The following SCFD2 variants were observed in gnomAD, a reference collection of about 807,000 sequenced individuals.
The protein encoded by SCFD2 is sec1 family domain containing 2, also known as sec1 family domain-containing protein 2.
Under a neutral mutation model 58.9 loss-of-function variants are expected in SCFD2, and 54 were observed. The observed-to-expected ratio is 0.92, with a 90% CI of 0.74 to 1.15. The LOEUF (loss-of-function observed/expected upper bound fraction) is 1.15. SCFD2 is among the 50% of genes most tolerant of loss of function. The pLI, the probability that SCFD2 is intolerant of heterozygous loss-of-function variation, is 0.00. For missense variants in SCFD2, 805 were observed against 836.6 expected (o/e 0.96, Z 0.47); for synonymous variants, 321 against 335.9 (o/e 0.96, Z 0.49).
rs541284404 is a variant in SCFD2 at position 53,244,498 on chromosome 4, G to A, written c.1311+29328C>T. On this transcript the variant is annotated intron_variant, in intron 4 of 8. Coordinates refer to ENST00000401642, the MANE Select transcript of SCFD2 (RefSeq NM_152540.4). ...CAACTTGCTCCTCAAAGACTTTGGG[G>A]TAATTCATGAAATTAAGGCAAAAAT... Among the ~76,000 whole-genome samples the A allele has an allele frequency of 8.5e-5, 13 of 152,220 alleles. No homozygotes were observed. In the South Asian group the frequency reaches 1.7e-3, roughly 19 times the overall value.
At chr4:53,223,151 A>T (rs1050231983) in intron 4 of SCFD2, among the ~76,000 whole-genome samples, 7 of 152,198 alleles carry the variant, frequency 4.6e-5, no homozygotes, top group African/African-American at 1.4e-4. Context: ...TTAAACTAAA[A>T]ATATGGCTTG....
chr4:53,130,720 C>T (rs1040364145), intron 5 of SCFD2, among the ~76,000 whole-genome samples: 45 of 152,102 alleles, frequency 3.0e-4, no homozygotes, highest in African/African-American at 1.1e-3. Flanking sequence ...AAGAAAAAAC[C>T]CTCTTTTTTC....
chr4:53,160,602 A>T (rs1394658765), intron 4 of SCFD2, among the ~76,000 whole-genome samples: 3 of 152,194 alleles, frequency 2.0e-5, no homozygotes, highest in African/African-American at 4.8e-5. Flanking sequence ...ACAGATAGAC[A>T]TATTTCAGAA....
intron 5 of SCFD2, among the ~76,000 whole-genome samples, chr4:53,020,003 A>T (rs965337248): frequency 6.6e-6 from 1 of 152,190 alleles, no homozygotes; most frequent in African/African-American, 2.4e-5. Flanking sequence ...ACGCTGGGCT[A>T]CTGATCTTCC....
At chr4:53,290,507 C>T (rs1731805362) in intron 3 of SCFD2, among the ~76,000 whole-genome samples, 1 of 151,738 alleles carries the variant, frequency 6.6e-6, no homozygotes, top group African/African-American at 2.4e-5. Context: ...CAATAAATAC[C>T]TATATTAAAA....
intron 5 of SCFD2, among the ~76,000 whole-genome samples, chr4:52,960,467 C>T (rs957704887): frequency 1.2e-4 from 18 of 151,510 alleles, no homozygotes; most frequent in Admixed American, 4.6e-4. Flanking sequence ...CTCCCGGGTT[C>T]AAGTGATTCT....
intron 7 of SCFD2, among the ~76,000 whole-genome samples, chr4:52,904,830 C>T (rs1719307887): frequency 6.6e-6 from 1 of 152,194 alleles, no homozygotes; most frequent in Non-Finnish European, 1.5e-5. Context: ...TCTGGTGTCA[C>T]TATTTCCTGT....
intron 3 of SCFD2, among the ~76,000 whole-genome samples, chr4:53,288,687 T>A (rs1731746012): frequency 6.6e-6 from 1 of 152,142 alleles, no homozygotes; most frequent in African/African-American, 2.4e-5. Context: ...GAAATAATAT[T>A]TTCCCCAGAT....
intron 5 of SCFD2, among the ~76,000 whole-genome samples, chr4:53,140,219 A>T (rs1442966992): frequency 5.4e-5 from 8 of 147,550 alleles, no homozygotes; most frequent in East Asian, 1.9e-4. Context: ...TAAAAAAATA[A>T]AAAAAAAGAA....
At chr4:52,970,655 C>T (rs1213330328) in intron 5 of SCFD2, among the ~76,000 whole-genome samples, 1 of 152,216 alleles carries the variant, frequency 6.6e-6, no homozygotes, top group African/African-American at 2.4e-5. Flanking sequence ...TGTCTGACAG[C>T]TTTGAAGAGA....
At position 52,997,668 on chromosome 4, in the gene SCFD2, C is replaced by T. The variant is rs77724082; in HGVS notation, c.1562-76798G>A. ...TAGGCCTGGGGAAAACAGGTTCCTTCACCTCAGAGAAAATAGACTTTAGGC... is the reference window on the plus strand; with the variant it reads ...TAGGCCTGGGGAAAACAGGTTCCTTTACCTCAGAGAAAATAGACTTTAGGC... On this transcript the variant is annotated intron_variant, in intron 5 of 8. Coordinates refer to ENST00000401642, the MANE Select transcript of SCFD2 (RefSeq NM_152540.4). 4.5e-3 allele frequency among the ~76,000 whole-genome samples: 679 copies of T among 152,324 alleles called. 4 individuals are homozygous for T. Among genetic ancestry groups the T allele is most frequent in the African/African-American group, 0.016 (657 of 41,580 alleles).
chr4:53,005,566 C>T (rs761254857), intron 5 of SCFD2, among the ~76,000 whole-genome samples: 5 of 152,160 alleles, frequency 3.3e-5, no homozygotes, highest in Non-Finnish European at 5.9e-5. Context: ...ATAAGTAAGG[C>T]TGATTATTCC....
intron 4 of SCFD2, among the ~76,000 whole-genome samples, chr4:53,191,402 T>C (rs1171634677): frequency 3.3e-5 from 5 of 152,096 alleles, no homozygotes; most frequent in Non-Finnish European, 5.9e-5. Flanking sequence ...TATGGTTATA[T>C]GGGTTTTGTT....
At chr4:53,271,827 G>A (rs537528178) in intron 4 of SCFD2, among the ~76,000 whole-genome samples, 1 of 152,076 alleles carries the variant, frequency 6.6e-6, no homozygotes, top group South Asian at 2.1e-4. Flanking sequence ...CAAAAGCAAT[G>A]GCAACAAAAG....
chr4:53,141,971 C>T (rs1726182167), intron 5 of SCFD2, among the ~76,000 whole-genome samples: 1 of 152,204 alleles, frequency 6.6e-6, no homozygotes, highest in Non-Finnish European at 1.5e-5. Context: ...CAGGCTCACA[C>T]ACTCATTTCC....
rs560875934 is a variant in SCFD2 at position 53,336,502 on chromosome 4, T to G, written c.1007+16096A>C. Among the ~76,000 whole-genome samples the G allele has an allele frequency of 8.5e-5, 13 of 152,228 alleles. No homozygotes were observed. In the South Asian group the frequency reaches 2.7e-3, roughly 32 times the overall value. On this transcript the variant is annotated intron_variant, in intron 2 of 8. Transcript: ENST00000401642. Reference sequence around the variant, plus strand: ...CCAGTTTTCTCATTTCTTTTTTCCTTTTTTTCTTTCTTCCTTTATTATTTA... The same window carrying G: ...CCAGTTTTCTCATTTCTTTTTTCCTGTTTTTCTTTCTTCCTTTATTATTTA...
intron 4 of SCFD2, among the ~76,000 whole-genome samples, chr4:53,158,282 A>C (rs540886533): frequency 1.7e-4 from 26 of 152,176 alleles, no homozygotes; most frequent in Non-Finnish European, 3.5e-4. Context: ...CTGCATAATA[A>C]TATAACACGT....
chr4:53,077,958 G>C (rs1038648416), intron 5 of SCFD2, among the ~76,000 whole-genome samples: 2 of 152,136 alleles, frequency 1.3e-5, no homozygotes, highest in Non-Finnish European at 2.9e-5. Context: ...CTACGTGAGA[G>C]CTTGGTGTAG....
chr4:53,342,007 C>G (rs1432310012), intron 2 of SCFD2, among the ~76,000 whole-genome samples: 1 of 152,130 alleles, frequency 6.6e-6, no homozygotes, highest in Admixed American at 6.5e-5. Context: ...AGAAACATAC[C>G]AAATTGCAAA....
Sources: gnomAD v4.1 joint callset for allele counts (sites outside exome capture counted in the v4.1 genomes callset) on GRCh38, gnomAD v4.1.1 for gene constraint, MANE v1.5 for transcripts, NCBI Gene and HGNC (gene_info 2026-07-23, HGNC 2026-07-21) for gene names.